Variants in CDH13 observed in about 807,000 individuals in gnomAD.
The protein encoded by CDH13 is cadherin-13.
A neutral mutation model predicts 63.8 loss-of-function variants in CDH13; 24 were observed. The observed-to-expected ratio is 0.38, with a 90% confidence interval of 0.27 to 0.53. The LOEUF (loss-of-function observed/expected upper bound fraction) is 0.53. Ranked by LOEUF, CDH13 falls within the 20% of genes least tolerant of loss-of-function variation. CDH13 has a pLI of 0.85. For synonymous variants in CDH13, 503 were observed against 355.3 expected (o/e 1.42, Z -4.67); for missense variants, 1,049 against 903.1 (o/e 1.16, Z -2.07).
At chr16:83,576,692 A>G (rs1436000325) in intron 7 of CDH13, among the ~76,000 whole-genome samples, 6 of 152,168 alleles carry the variant, frequency 3.9e-5, no homozygotes, top group Non-Finnish European at 8.8e-5. Flanking sequence ...GCTGTTTTTT[A>G]TGCTAGCCAT....
chr16:83,031,663 T>C (rs1916365257), intron 2 of CDH13, among the ~76,000 whole-genome samples: 1 of 152,072 alleles, frequency 6.6e-6, no homozygotes, highest in Admixed American at 6.6e-5. Context: ...GAGCACCCTG[T>C]GGTTCTGCTC....
Position 83,015,677 on chromosome 16 carries a change from GTATATATATATATATATATATATA to G in CDH13, c.158-16310_158-16287del, listed in dbSNP as rs71148803. On this transcript the variant is annotated intron_variant, in intron 2 of 13. Transcript: ENST00000567109. ...CATATATGTGTGTGTGTGTGTGTAT[GTATATATATATATATATATATATA>G]TATATATATATATATATATATAAAG... Among the ~76,000 whole-genome samples, 32 of 37,568 alleles carry G rather than the reference GTATATATATATATATATATATATA, an allele frequency of 8.5e-4. 1 individual carries two copies. In the South Asian group the frequency reaches 0.011, roughly 12 times the overall value. The allele number at this position is 37,568 out of a possible 152,430, so 24.6% of individuals were successfully genotyped here.
At chr16:82,945,995 T>A (rs1160323228) in intron 2 of CDH13, among the ~76,000 whole-genome samples, 2 of 152,126 alleles carry the variant, frequency 1.3e-5, no homozygotes, top group African/African-American at 2.4e-5. Context: ...TCCTTCCGTA[T>A]GTTTTGTAAT....
chr16:83,032,631 T>C (rs1916472633), intron 3 of CDH13, among the ~76,000 whole-genome samples: 1 of 152,102 alleles, frequency 6.6e-6, no homozygotes. Context: ...TGAGAAAGCA[T>C]CTCTTCAAGA....
At chr16:83,009,040 G>A (rs1567739791) in intron 2 of CDH13, among the ~76,000 whole-genome samples, 1 of 152,142 alleles carries the variant, frequency 6.6e-6, no homozygotes, top group Non-Finnish European at 1.5e-5. Context: ...CAGCATGGGG[G>A]AAACTACTGC....
In CDH13 at chr16:83,421,787, A is replaced by G. The variant is rs78686917; in HGVS notation, c.782-64690A>G. Reference sequence around the variant, plus strand: ...GTGAACAGCCAACAAGATTGGCCACAGTGGAATTAACGACATCAGTGTTCT... The same window carrying G: ...GTGAACAGCCAACAAGATTGGCCACGGTGGAATTAACGACATCAGTGTTCT... On this transcript the variant is annotated intron_variant, in intron 6 of 13. Transcript: ENST00000567109. Among the ~76,000 whole-genome samples the G allele has an allele frequency of 3.1e-3, 467 of 152,340 alleles. 1 individual carries two copies. Among genetic ancestry groups the G allele is most frequent in the African/African-American group, 0.011 (459 of 41,580 alleles).
chr16:83,227,240 C>T (rs776500828), intron 5 of CDH13, among the ~76,000 whole-genome samples: 1 of 152,220 alleles, frequency 6.6e-6, no homozygotes, highest in Non-Finnish European at 1.5e-5. Context: ...GAGAGGCCCC[C>T]TCTGACACCT....
chr16:82,745,383 G>C (rs1012966338), intron 1 of CDH13, among the ~76,000 whole-genome samples: 3 of 152,176 alleles, frequency 2.0e-5, no homozygotes, highest in African/African-American at 7.2e-5. Flanking sequence ...CATAAAGTCA[G>C]CAGTAACAAC....
intron 2 of CDH13, among the ~76,000 whole-genome samples, chr16:83,006,899 A>ATG (rs1491332477): frequency 0.056 from 6,753 of 120,746 alleles, 401 homozygotes; most frequent in Non-Finnish European, 0.064. Context: ...CCCAGTTTTG[A>ATG]TTTTTTTTGT....
At chr16:83,717,453 T>C (rs1909091861) in intron 10 of CDH13, among the ~76,000 whole-genome samples, 1 of 152,242 alleles carries the variant, frequency 6.6e-6, no homozygotes, top group African/African-American at 2.4e-5. Context: ...TCCACTTTCT[T>C]CTGTCTCAGG....
intron 1 of CDH13, among the ~76,000 whole-genome samples, chr16:82,770,778 GCTCACTGCAACCTCCGC>G (rs1275991611): frequency 1.3e-5 from 2 of 152,124 alleles, no homozygotes; most frequent in African/African-American, 4.8e-5. Context: ...CGTGATCTCG[GCTCACTGCAACCTCCGC>G]CTCCCAAGTT....
chr16:82,937,012 A>G (rs1358680409), intron 2 of CDH13, among the ~76,000 whole-genome samples: 1 of 152,134 alleles, frequency 6.6e-6, no homozygotes, highest in Admixed American at 6.5e-5. Flanking sequence ...AAAACAAACC[A>G]CAGGCTGGTG....
chr16:83,757,080 C>T lies in CDH13; in HGVS notation c.1681+8830C>T, dbSNP rs139078102. Among the ~76,000 whole-genome samples the T allele has an allele frequency of 5.3e-5, 8 of 152,262 alleles. No individual in the cohort carries two copies. In the East Asian group the frequency reaches 1.5e-3, roughly 29 times the overall value. On this transcript the variant is annotated intron_variant, in intron 11 of 13. Transcript: ENST00000567109. ...CTGCAATTATTTCTAGTATATCCTC[C>T]AATCACAATGGAATTAAACTAAGCA...
At chr16:83,247,988 C>G (rs1429917116) in intron 5 of CDH13, among the ~76,000 whole-genome samples, 3 of 152,088 alleles carry the variant, frequency 2.0e-5, no homozygotes, top group African/African-American at 4.8e-5. Flanking sequence ...AAGCCCCAGG[C>G]TGTTGAGTGG....
intron 4 of CDH13, among the ~76,000 whole-genome samples, chr16:83,142,454 T>A (rs1206829494): frequency 6.6e-6 from 1 of 152,102 alleles, no homozygotes. Context: ...CAGTGCCTGG[T>A]TGCCTTGGGC....
chr16:82,944,951 T>G (rs1038693630), intron 2 of CDH13, among the ~76,000 whole-genome samples: 7 of 152,146 alleles, frequency 4.6e-5, no homozygotes, highest in African/African-American at 1.7e-4. Flanking sequence ...AAATACAAAT[T>G]AAAGTAGGCA....
chr16:83,715,479 C>G (rs1296271078), intron 10 of CDH13, among the ~76,000 whole-genome samples: 1 of 152,162 alleles, frequency 6.6e-6, no homozygotes, highest in African/African-American at 2.4e-5. Context: ...CTTGTAAGTA[C>G]CAGGTCTTGG....
intron 5 of CDH13, among the ~76,000 whole-genome samples, chr16:83,325,994 A>G (rs901662496): frequency 5.9e-5 from 9 of 152,198 alleles, no homozygotes; most frequent in African/African-American, 2.2e-4. Context: ...GGTGACATGA[A>G]CCAAATGGAT....
intron 1 of CDH13, among the ~76,000 whole-genome samples, chr16:82,645,597 G>A (rs1420143974): frequency 1.3e-5 from 2 of 152,108 alleles, no homozygotes; most frequent in Non-Finnish European, 2.9e-5. Flanking sequence ...ATACAGTAGT[G>A]CTGAGGTGGA....
Sources: allele counts gnomAD v4.1 joint callset (sites outside exome capture counted in the v4.1 genomes callset), GRCh38; gene constraint gnomAD v4.1.1; transcripts MANE v1.5; gene names NCBI Gene and HGNC (gene_info 2026-07-23, HGNC 2026-07-21).